The following GRIPAP1 variants were observed in gnomAD, a reference collection of about 807,000 sequenced individuals.
GRIPAP1 encodes the protein GRIP1 associated protein 1, also known as GRIP1-associated protein 1.
GRIPAP1 carries 14 observed loss-of-function variants against 84.1 expected under a neutral mutation model. The ratio of observed to expected loss-of-function variants is 0.17; its 90% CI spans 0.11 to 0.26. The LOEUF (loss-of-function observed/expected upper bound fraction) is 0.26, where lower values mean the gene tolerates loss of function less well. Among genes scored for constraint, GRIPAP1 ranks in the 10% least tolerant of loss-of-function variants. The pLI is 1.00. For synonymous variants in GRIPAP1, 261 were observed against 256.8 expected, an observed-to-expected ratio of 1.02 and a Z score of -0.15; for missense variants, 518 against 674.2, an observed-to-expected ratio of 0.77 and a Z score of 2.57.
chrX:48,979,461 A>G (rs1557061451), intron 21 of GRIPAP1, among the ~76,000 whole-genome samples: 1 of 56,491 alleles, frequency 1.8e-5, no homozygotes, highest in Non-Finnish European at 3.0e-5. Flanking sequence ...TGGGCGACAG[A>G]GCGAGACTCC....
intron 5 of GRIPAP1, among the ~76,000 whole-genome samples, chrX:48,994,827 T>C (rs782109273): frequency 8.9e-6 from 1 of 112,102 alleles, no homozygotes. Context: ...GTTTTCCTCA[T>C]CTGTCAGATA....
At position 48,975,269 on chromosome X, in the gene GRIPAP1, C is replaced by A; in HGVS notation, c.2319G>T (p.Leu773=). ...VAAGHTDRSG[L]GSVLRDLVKP... is the part of the protein sequence containing the mutation. ...TCACTAGGTCTCTCAGGACGCTGCCCAGCCCGCTGCGGTCTGTGTGGCCTG... is the reference window on the plus strand; with the variant it reads ...TCACTAGGTCTCTCAGGACGCTGCCAAGCCCGCTGCGGTCTGTGTGGCCTG... The change falls in exon 25 of 26, where the codon CTG becomes CTT. Residue 773 remains leucine, a synonymous_variant. Coordinates refer to ENST00000376423, the MANE Select transcript of GRIPAP1 (RefSeq NM_020137.5). 8.3e-7 allele frequency: 1 copy of A among 1,211,421 alleles called. No individual in the cohort carries two copies. Among genetic ancestry groups the A allele is most frequent in the Non-Finnish European group, 1.1e-6 (1 of 895,217 alleles).
Position 48,976,357 on chromosome X carries a change from A to G in GRIPAP1, c.2068T>C (p.Ser690Pro), listed in dbSNP as rs1557060510. ...ESSAVPARSL[S>P]SSPQAQPPRP... is the part of the protein sequence containing the mutation. ...GGGGGCTGGGCTTGAGGGCTGCTGG[A>G]TAAGGACTGCAGGAAAGAGAAGGGG... The change falls in exon 23 of 26, where the codon TCC becomes CCC. Residue 690 changes from serine to proline, a missense_variant. By Grantham distance (74) the Ser-to-Pro change is moderately conservative. Around this residue, in one of 5 missense-constraint regions of GRIPAP1, gnomAD observed 66 missense variants for 65.2 expected, o/e 1.01. Transcript: ENST00000376423. 8.3e-7 allele frequency: 1 copy of G among 1,198,709 alleles called. No individual in the cohort carries two copies. The highest frequency in any genetic ancestry group is 1.1e-6 in the Non-Finnish European group (1 of 889,949).
rs202091927 is a variant in GRIPAP1, at chrX:48,983,238, C to T, written c.1475G>A (p.Arg492Gln). 1.6e-5 allele frequency: 19 copies of T among 1,208,804 alleles called. No individual in the cohort carries two copies. The highest frequency in any genetic ancestry group is 4.4e-5 in the Admixed American group (2 of 45,927). ...RQEEELRGQIREEKARTRELE... is the reference protein window; with the variant it reads ...RQEEELRGQIQEEKARTRELE... ...CATCTACCCACCCACCTTCTCCTCC[C>T]GGATCTGCCCACGGAGCTCCTCCTC... Residue 492 changes from arginine (R) to glutamine (Q), a missense_variant, in exon 16 of 26, where the codon CGG (arginine) becomes CAG (glutamine). Arg to Gln is a conservative substitution (Grantham distance 43, BLOSUM62 1). Around this residue, in one of 5 missense-constraint regions of GRIPAP1, gnomAD observed 372 missense variants for 458.1 expected, o/e 0.81. Coordinates refer to ENST00000376423, the MANE Select transcript of GRIPAP1 (RefSeq NM_020137.5).
At position 48,991,079 on chromosome X, in the gene GRIPAP1, C is replaced by T; in HGVS notation, c.489G>A (p.Gly163=). 1 of 1,204,197 alleles carries T rather than the reference C, an allele frequency of 8.3e-7. No homozygotes were observed. Residue 163 remains glycine (G), a synonymous_variant, in exon 7 of 26, where the codon GGG becomes GGA. Coordinates refer to ENST00000376423, the MANE Select transcript of GRIPAP1 (RefSeq NM_020137.5). ...ALQERYGKEA[G]KFSAVSEGQG... Reference sequence around the variant, plus strand: ...GGCCCTCACTGACAGCTGAGAACTTCCCGGCTTCTTTCCCATAGCGTTCCT... The same window carrying T: ...GGCCCTCACTGACAGCTGAGAACTTTCCGGCTTCTTTCCCATAGCGTTCCT...
chrX:48,987,140 G>A (rs1329783729), intron 13 of GRIPAP1, among the ~76,000 whole-genome samples: 1 of 95,111 alleles, frequency 1.1e-5, no homozygotes, highest in Non-Finnish European at 2.1e-5. Flanking sequence ...GAGCCACCAT[G>A]CCCGGCTTTT....
At chrX:48,986,237 C>T (rs1286235191) in intron 13 of GRIPAP1, among the ~76,000 whole-genome samples, 2 of 19,629 alleles carry the variant, frequency 1.0e-4, no homozygotes, top group African/African-American at 4.5e-4. Context: ...ACCGAAACTC[C>T]GTCTACAAAA....
At chrX:48,983,704 T>C (rs2064470845) in intron 15 of GRIPAP1, 71 bp downstream of exon 15, 1 of 665,241 alleles carries the variant, frequency 1.5e-6, no homozygotes, top group Admixed American at 2.2e-5. Context: ...TTATATCACC[T>C]CCTCCCATCC....
At position 48,990,853 on chromosome X, in the gene GRIPAP1, C is replaced by T. The variant is rs140680685; in HGVS notation, c.642+73G>A. 0.022 allele frequency: 22,693 copies of T among 1,025,650 alleles called. 261 individuals carry two copies. Among genetic ancestry groups the T allele is most frequent in the Non-Finnish European group, 0.025 (18,610 of 739,767 alleles). 84.5% of individuals were successfully genotyped at this position (1,025,650 alleles called of 1,213,427 possible). A position where few individuals can be genotyped will look rare whatever the true frequency, so the allele number is the denominator to read the frequency against. On this transcript the variant is annotated intron_variant, in intron 7 of 25. Coordinates refer to ENST00000376423, the MANE Select transcript of GRIPAP1 (RefSeq NM_020137.5). ...AAGATGGTGATGTCACAGCCATCTC[C>T]GTGGGACTATAGACAGAGGTAGAAC...
chrX:48,991,980 C>T (rs1177737866), intron 6 of GRIPAP1, among the ~76,000 whole-genome samples: 1 of 111,234 alleles, frequency 9.0e-6, no homozygotes, highest in Non-Finnish European at 1.9e-5. Context: ...CACACCATGC[C>T]CAGTTAATTT....
chrX:48,996,326 C>T (rs782237190), intron 5 of GRIPAP1, among the ~76,000 whole-genome samples: 38 of 112,022 alleles, frequency 3.4e-4, no homozygotes, highest in Non-Finnish European at 5.6e-4. Context: ...CATTTTTGGG[C>T]CGGGCGCGGT....
intron 5 of GRIPAP1, among the ~76,000 whole-genome samples, chrX:48,995,241 C>T (rs1557066498): frequency 1.8e-5 from 2 of 112,027 alleles, no homozygotes; most frequent in Non-Finnish European, 3.8e-5. Context: ...TAGCCCAGTG[C>T]TGGCCCAGGG....
intron 13 of GRIPAP1, among the ~76,000 whole-genome samples, chrX:48,986,614 C>T (rs1231540536): frequency 2.8e-4 from 31 of 109,647 alleles, no homozygotes; most frequent in African/African-American, 7.3e-4. Context: ...AGGCTGGTCT[C>T]GAACTCCGAA....
Position 48,981,475 on chromosome X carries a change from G to A in GRIPAP1, c.1774-3C>T. On this transcript the variant is annotated splice_polypyrimidine_tract_variant and splice_region_variant and intron_variant, in intron 19 of 25. Coordinates refer to ENST00000376423, the MANE Select transcript of GRIPAP1 (RefSeq NM_020137.5). ...CCATCCACTGTGTCCTTCACCTCCT[G>A]TGGGAGAAAGCAGGCATGGCTGGTA... 1 of 1,209,123 alleles carries A rather than the reference G, an allele frequency of 8.3e-7. No individual in the cohort carries two copies. The highest frequency in any genetic ancestry group is 1.1e-6 in the Non-Finnish European group (1 of 893,774).
intron 11 of GRIPAP1, among the ~76,000 whole-genome samples, chrX:48,989,184 A>G (rs782068756): frequency 9.0e-6 from 1 of 111,177 alleles, no homozygotes; most frequent in Admixed American, 9.6e-5. Context: ...TGAAAGTTGT[A>G]TATCTACCCA....
In GRIPAP1 at chrX:48,974,153, G is replaced by A. The variant is rs782709766; in HGVS notation, c.*40C>T. 1.1e-6 allele frequency: 1 copy of A among 917,432 alleles called. No individual in the cohort carries two copies. The highest frequency in any genetic ancestry group is 1.6e-6 in the Non-Finnish European group (1 of 632,654). The allele number at this position is 917,432 out of a possible 1,213,427, so 75.6% of individuals were successfully genotyped here. On this transcript the variant is annotated 3_prime_UTR_variant, in exon 26 of 26. Coordinates refer to ENST00000376423, the MANE Select transcript of GRIPAP1 (RefSeq NM_020137.5). ...ACAGCCCAAGGGAATAGCATCCTAG[G>A]GGGTAGGAAGGGGAGGAGGTGGGTG...
At chrX:48,995,799 G>A (rs1230476706) in intron 5 of GRIPAP1, among the ~76,000 whole-genome samples, 1 of 110,386 alleles carries the variant, frequency 9.1e-6, no homozygotes, top group Non-Finnish European at 1.9e-5. Flanking sequence ...GTTTTACCAC[G>A]TTAGCCAGGA....
At chrX:48,990,557 C>T (rs1557065152) in intron 8 of GRIPAP1, 128 bp downstream of exon 8, 4 of 520,347 alleles carry the variant, frequency 7.7e-6, no homozygotes, top group Non-Finnish European at 1.3e-5. Flanking sequence ...GTGAGTCTCT[C>T]CATTTCACAG....
chrX:48,996,154 G>A (rs2064545927), intron 5 of GRIPAP1, among the ~76,000 whole-genome samples: 1 of 111,954 alleles, frequency 8.9e-6, no homozygotes, highest in African/African-American at 3.2e-5. Context: ...GTAAAAGGTA[G>A]AGCCAAGATT....
Sources: allele counts gnomAD v4.1 joint callset (sites outside exome capture counted in the v4.1 genomes callset), GRCh38; gene constraint gnomAD v4.1.1; regional missense constraint gnomAD v4.1.1; transcripts MANE v1.5; gene names NCBI Gene and HGNC (gene_info 2026-07-23, HGNC 2026-07-21).